The following CNTNAP2 variants were observed in gnomAD, a reference collection of about 807,000 sequenced individuals.
The protein encoded by CNTNAP2 is contactin associated protein 2, also known as contactin-associated protein-like 2.
A neutral mutation model predicts 155.2 loss-of-function variants in CNTNAP2; 98 were observed. The observed-to-expected ratio is 0.63, with a 90% CI of 0.54 to 0.75. The LOEUF is 0.75. CNTNAP2 is among the 30% of genes least tolerant of loss of function. The pLI is 0.00. For missense variants in CNTNAP2, 1,727 were observed against 1,688.1 expected (o/e 1.02, Z -0.40); for synonymous variants, 651 against 631.2 (o/e 1.03, Z -0.47).
At chr7:146,998,453 C>G (rs1290627650) in intron 3 of CNTNAP2, among the ~76,000 whole-genome samples, 1 of 151,922 alleles carries the variant, frequency 6.6e-6, no homozygotes, top group Non-Finnish European at 1.5e-5. Flanking sequence ...AATATAGCAT[C>G]TATCCTGGAG....
intron 8 of CNTNAP2, among the ~76,000 whole-genome samples, chr7:147,157,168 C>T (rs184449684): frequency 6.6e-6 from 1 of 152,156 alleles, no homozygotes; most frequent in East Asian, 1.9e-4. Flanking sequence ...GGAAAGCTCT[C>T]CATGACACCC....
chr7:146,338,221 C>T (rs955350394), intron 1 of CNTNAP2, among the ~76,000 whole-genome samples: 2 of 152,094 alleles, frequency 1.3e-5, no homozygotes, highest in African/African-American at 4.8e-5. Flanking sequence ...CCTAGCATTG[C>T]ACACGTATTA....
At chr7:147,267,963 G>A (rs13242774) in intron 8 of CNTNAP2, among the ~76,000 whole-genome samples, 18 of 152,074 alleles carry the variant, frequency 1.2e-4, no homozygotes, top group Non-Finnish European at 2.2e-4. Context: ...TGGTGTTTGT[G>A]GTTGTGGTGA....
chr7:146,161,652 G>GA lies in CNTNAP2; in HGVS notation c.97+44685dup, dbSNP rs554231061. ...ACCAATGCCTTTCTTCACAGAATTG[G>GA]AAAAAACTACTTTAAAGTTCATATG... On this transcript the variant is annotated intron_variant, in intron 1 of 23. Coordinates refer to ENST00000361727, the MANE Select transcript of CNTNAP2 (RefSeq NM_014141.6). Among the ~76,000 whole-genome samples the GA allele has an allele frequency of 5.9e-5, 9 of 152,204 alleles. No homozygotes were observed. In the East Asian group the frequency reaches 1.5e-3, roughly 26 times the overall value.
Position 147,925,289 on chromosome 7 carries a change from C to CGG in CNTNAP2, c.2255+21569_2255+21570insGG, listed in dbSNP as rs1204619154. On this transcript the variant is annotated intron_variant, in intron 14 of 23. Coordinates refer to ENST00000361727, the MANE Select transcript of CNTNAP2 (RefSeq NM_014141.6). ...ATGCAGACAAACACACACAAGCGCG[C>CGG]GCGCACACACACACACACACACACA... Among the ~76,000 whole-genome samples, 127 of 76,402 alleles carry CGG rather than the reference C, an allele frequency of 1.7e-3. 1 individual carries two copies. Among genetic ancestry groups the CGG allele is most frequent in the Non-Finnish European group, 2.5e-3 (108 of 43,288 alleles). The allele number at this position is 76,402 out of a possible 152,430, so 50.1% of individuals were successfully genotyped here. A position where few individuals can be genotyped will look rare whatever the true frequency, so the allele number is the denominator to read the frequency against.
rs188383739 is a variant in CNTNAP2 at position 146,685,981 on chromosome 7, A to G, written c.98-88290A>G. ...AATCTATTTAATAACACTTAGTGTA[A>G]TATTGACCTTGGGATTCAGAAAAAA... On this transcript the variant is annotated intron_variant, in intron 1 of 23. Transcript: ENST00000361727. Among the ~76,000 whole-genome samples the G allele has an allele frequency of 3.3e-5, 5 of 152,206 alleles. 1 individual carries two copies. In the East Asian group the frequency reaches 9.7e-4, roughly 29 times the overall value.
chr7:146,326,435 T>C (rs1490593434), intron 1 of CNTNAP2, among the ~76,000 whole-genome samples: 3 of 152,208 alleles, frequency 2.0e-5, no homozygotes, highest in Admixed American at 6.5e-5. Flanking sequence ...AGAGCTTTGA[T>C]GAATCAGTTA....
In CNTNAP2 at chr7:146,612,149, A is replaced by C. The variant is rs547382942; in HGVS notation, c.98-162122A>C. On this transcript the variant is annotated intron_variant, in intron 1 of 23. Transcript: ENST00000361727. ...AAATTAGATTTAGAATCTAAAAAGTAAAAAGAGCCTAGAATAATCCCTAGT... is the reference window on the plus strand; with the variant it reads ...AAATTAGATTTAGAATCTAAAAAGTCAAAAGAGCCTAGAATAATCCCTAGT... 6.6e-5 allele frequency among the ~76,000 whole-genome samples: 10 copies of C among 152,330 alleles called. No homozygotes were observed. The East Asian group carries it at 1.9e-3, about 29-fold the overall frequency.
chr7:146,952,366 CACAAG>C (rs1797334409), intron 3 of CNTNAP2, among the ~76,000 whole-genome samples: 1 of 152,114 alleles, frequency 6.6e-6, no homozygotes, highest in Non-Finnish European at 1.5e-5. Flanking sequence ...TGAAAACTGG[CACAAG>C]ACAAGTATGC....
chr7:146,736,280 T>C (rs1389688828), intron 1 of CNTNAP2, among the ~76,000 whole-genome samples: 1 of 152,036 alleles, frequency 6.6e-6, no homozygotes, highest in Admixed American at 6.6e-5. Flanking sequence ...CAAAGGATAA[T>C]TGTATAAGAA....
intron 8 of CNTNAP2, among the ~76,000 whole-genome samples, chr7:147,197,141 A>G (rs1802819833): frequency 6.6e-6 from 1 of 152,062 alleles, no homozygotes; most frequent in Non-Finnish European, 1.5e-5. Flanking sequence ...AGATGATTGC[A>G]TAGGAGTATA....
intron 1 of CNTNAP2, among the ~76,000 whole-genome samples, chr7:146,731,115 G>A (rs185146916): frequency 1.2e-4 from 18 of 152,232 alleles, no homozygotes; most frequent in Non-Finnish European, 2.1e-4. Context: ...TGTACCAAAA[G>A]TCAAATCACT....
At chr7:146,536,161 A>T (rs936506657) in intron 1 of CNTNAP2, among the ~76,000 whole-genome samples, 6 of 152,076 alleles carry the variant, frequency 3.9e-5, no homozygotes, top group African/African-American at 1.4e-4. Context: ...GTTATTTTTG[A>T]ACCACATTTA....
rs578144190 is a variant in CNTNAP2, at chr7:146,678,596, A to G, written c.98-95675A>G. ...TCAGTAGGACCTATTAGGTTTCACT[A>G]GAATAATTTATATTAGTAAGTCACA... On this transcript the variant is annotated intron_variant, in intron 1 of 23. Transcript: ENST00000361727. Among the ~76,000 whole-genome samples, 10 of 152,330 alleles carry G rather than the reference A, an allele frequency of 6.6e-5. No individual in the cohort carries two copies. In the East Asian group the frequency reaches 1.7e-3, roughly 26 times the overall value.
At chr7:148,296,112 A>G (rs1797279850) in intron 21 of CNTNAP2, among the ~76,000 whole-genome samples, 1 of 152,220 alleles carries the variant, frequency 6.6e-6, no homozygotes, top group African/African-American at 2.4e-5. Context: ...ACAATGAGCC[A>G]AAAACTCTCT....
chr7:146,989,137 A>G (rs2129238406), intron 3 of CNTNAP2, among the ~76,000 whole-genome samples: 1 of 152,266 alleles, frequency 6.6e-6, no homozygotes, highest in South Asian at 2.1e-4. Flanking sequence ...GATGGAGATA[A>G]GTATGCAGGA....
chr7:147,525,017 A>T, intron 11 of CNTNAP2, among the ~76,000 whole-genome samples: 1 of 152,218 alleles, frequency 6.6e-6, no homozygotes, highest in East Asian at 1.9e-4. Context: ...GGATGGTGAA[A>T]TCAGCTGTTG....
rs557086872 is a variant in CNTNAP2, at chr7:146,221,259, A to G, written c.97+104286A>G. On this transcript the variant is annotated intron_variant, in intron 1 of 23. Coordinates refer to ENST00000361727, the MANE Select transcript of CNTNAP2 (RefSeq NM_014141.6). ...GCTCACACATGATTCAATAACTGCA[A>G]CAATTTATACTGAAGGCTATATATG... Among the ~76,000 whole-genome samples, 5 of 152,322 alleles carry G rather than the reference A, an allele frequency of 3.3e-5. No individual in the cohort carries two copies. In the South Asian group the frequency reaches 1.0e-3, roughly 32 times the overall value.
intron 15 of CNTNAP2, among the ~76,000 whole-genome samples, chr7:148,051,920 A>C (rs1216378671): frequency 6.6e-6 from 1 of 152,164 alleles, no homozygotes; most frequent in African/African-American, 2.4e-5. Flanking sequence ...CGGGTGGATC[A>C]CGAGGTCAGG....
Sources: allele counts gnomAD v4.1 joint callset (sites outside exome capture counted in the v4.1 genomes callset), GRCh38; gene constraint gnomAD v4.1.1; transcripts MANE v1.5; gene names NCBI Gene and HGNC (gene_info 2026-07-23, HGNC 2026-07-21).